PXDNL: variants seen among roughly 807,000 people sequenced by gnomAD.
PXDNL encodes the protein probable oxidoreductase PXDNL.
In PXDNL, 145 loss-of-function variants were observed where a neutral mutation model predicts 150.8. The ratio of observed to expected loss-of-function variants is 0.96; its 90% CI spans 0.84 to 1.10. PXDNL has a LOEUF of 1.10. Ranked by LOEUF, PXDNL falls within the 50% of genes least tolerant of loss-of-function variation. The probability of loss-of-function intolerance (pLI) is 0.00; values close to 1 mark genes in which losing one functional copy is unlikely to be tolerated. For missense variants in PXDNL, 2,087 were observed against 1,873.9 expected (o/e 1.11, Z -2.10); for synonymous variants, 757 against 725.7 (o/e 1.04, Z -0.69).
At position 51,675,792 on chromosome 8, in the gene PXDNL, C is replaced by CAAAA. The variant is rs71550280; in HGVS notation, c.165-21036_165-21033dup. 1.4e-4 allele frequency among the ~76,000 whole-genome samples: 13 copies of CAAAA among 93,254 alleles called. 4 individuals are homozygous for CAAAA. Among genetic ancestry groups the CAAAA allele is most frequent in the South Asian group, 4.3e-4 (1 of 2,324 alleles). The allele number at this position is 93,254 out of a possible 152,430, so 61.2% of individuals were successfully genotyped here. On this transcript the variant is annotated intron_variant, in intron 1 of 22. Coordinates refer to ENST00000356297, the MANE Select transcript of PXDNL (RefSeq NM_144651.5). ...TGGGCGACACAGCAAGGCTCCGTCT[C>CAAAA]AAAAAAAAAAAAAAAAAAATTGCCC...
At chr8:51,346,338 C>A (rs773864814) in intron 19 of PXDNL, among the ~76,000 whole-genome samples, 57 of 152,280 alleles carry the variant, frequency 3.7e-4, no homozygotes, top group Admixed American at 1.3e-4. Flanking sequence ...TTTGGCAACT[C>A]CTCAAAGTGT....
chr8:51,409,576 G>C lies in PXDNL; in HGVS notation c.2063-15C>G. 6.5e-7 allele frequency: 1 copy of C among 1,542,150 alleles called. No homozygotes were observed. ...GTACCGGAATTCTGAAAGGCAAGCG[G>C]CGAAAGCCGTGAGGAGGGCGGGCCT... On this transcript the variant is annotated splice_polypyrimidine_tract_variant and intron_variant, in intron 16 of 22. Transcript: ENST00000356297.
At chr8:51,517,819 A>C (rs1811577311) in intron 4 of PXDNL, among the ~76,000 whole-genome samples, 1 of 152,228 alleles carries the variant, frequency 6.6e-6, no homozygotes, top group Non-Finnish European at 1.5e-5. Context: ...CTAATCAATA[A>C]AATATTAATG....
At chr8:51,759,750 C>T (rs905212871) in intron 1 of PXDNL, among the ~76,000 whole-genome samples, 3 of 152,244 alleles carry the variant, frequency 2.0e-5, no homozygotes, top group African/African-American at 7.2e-5. Flanking sequence ...GAGCCAAGTT[C>T]CCCACCTGCT....
intron 3 of PXDNL, among the ~76,000 whole-genome samples, chr8:51,587,509 G>C (rs1466574947): frequency 6.6e-6 from 1 of 152,152 alleles, no homozygotes; most frequent in African/African-American, 2.4e-5. Context: ...ACAAATGCTT[G>C]TGTCTTAGAG....
intron 5 of PXDNL, among the ~76,000 whole-genome samples, chr8:51,494,084 A>G (rs1468897327): frequency 6.6e-6 from 1 of 152,112 alleles, no homozygotes; most frequent in Non-Finnish European, 1.5e-5. Context: ...CGGATCTCTC[A>G]GCAGAAACTC....
chr8:51,539,410 A>T (rs1278066869), intron 4 of PXDNL, among the ~76,000 whole-genome samples: 1 of 152,066 alleles, frequency 6.6e-6, no homozygotes, highest in Non-Finnish European at 1.5e-5. Context: ...TTAATGAGAA[A>T]TATAGTTATG....
chr8:51,426,603 G>A (rs1236083640), intron 13 of PXDNL, 43 bp downstream of exon 13: 3 of 1,116,280 alleles, frequency 2.7e-6, no homozygotes, highest in Admixed American at 4.1e-5. Context: ...CGATACATCT[G>A]TCAGTGTTTT....
chr8:51,703,174 T>C (rs1451713572), intron 1 of PXDNL, among the ~76,000 whole-genome samples: 1 of 152,184 alleles, frequency 6.6e-6, no homozygotes, highest in African/African-American at 2.4e-5. Flanking sequence ...GGGAACTTCT[T>C]TTAATTTTCT....
At chr8:51,728,677 G>C (rs1295638867) in intron 1 of PXDNL, among the ~76,000 whole-genome samples, 1 of 152,100 alleles carries the variant, frequency 6.6e-6, no homozygotes. Flanking sequence ...AAATGTGTTT[G>C]TGTTTTAAGC....
At chr8:51,371,762 T>C (rs1460671041) in intron 19 of PXDNL, 111 bp downstream of exon 19, 2 of 1,003,080 alleles carry the variant, frequency 2.0e-6, no homozygotes, top group African/African-American at 3.2e-5. Flanking sequence ...TTCTGTGTTG[T>C]TGGCTTTTTG....
At chr8:51,648,440 C>G (rs1433866445) in intron 2 of PXDNL, among the ~76,000 whole-genome samples, 1 of 152,140 alleles carries the variant, frequency 6.6e-6, no homozygotes, top group Non-Finnish European at 1.5e-5. Context: ...GATGTGGACT[C>G]AAGGCAAGAA....
intron 1 of PXDNL, among the ~76,000 whole-genome samples, chr8:51,792,763 C>A (rs1017784701): frequency 1.3e-5 from 2 of 152,200 alleles, no homozygotes; most frequent in East Asian, 3.9e-4. Context: ...CAGCCCTCCT[C>A]ACTGGGCGGG....
intron 17 of PXDNL, among the ~76,000 whole-genome samples, chr8:51,398,980 A>C (rs1365407833): frequency 6.6e-6 from 1 of 152,208 alleles, no homozygotes; most frequent in Non-Finnish European, 1.5e-5. Context: ...AATAATCAAA[A>C]TGAAAATTTC....
chr8:51,491,210 G>A (rs959784899), intron 5 of PXDNL, among the ~76,000 whole-genome samples: 6 of 152,076 alleles, frequency 3.9e-5, no homozygotes, highest in African/African-American at 1.4e-4. Flanking sequence ...ATGGTCTATT[G>A]TGGGACCCTG....
intron 1 of PXDNL, among the ~76,000 whole-genome samples, chr8:51,670,492 C>T (rs1164798085): frequency 6.6e-6 from 1 of 152,026 alleles, no homozygotes; most frequent in Non-Finnish European, 1.5e-5. Context: ...TATTATTGTA[C>T]TGAATATTGT....
At chr8:51,780,311 A>C (rs2037398165) in intron 1 of PXDNL, among the ~76,000 whole-genome samples, 1 of 152,166 alleles carries the variant, frequency 6.6e-6, no homozygotes, top group South Asian at 2.1e-4. Flanking sequence ...AGTTTGAGGG[A>C]CACTAATGTA....
At chr8:51,605,959 G>A (rs566020143) in intron 2 of PXDNL, among the ~76,000 whole-genome samples, 44 of 152,254 alleles carry the variant, frequency 2.9e-4, no homozygotes, top group African/African-American at 8.9e-4. Context: ...AAGCCCTCAC[G>A]AGATGCTAGT....
At chr8:51,545,530 C>T (rs1203080481) in intron 4 of PXDNL, among the ~76,000 whole-genome samples, 2 of 152,156 alleles carry the variant, frequency 1.3e-5, no homozygotes, top group Non-Finnish European at 2.9e-5. Context: ...CATATTGGCT[C>T]ATGGCTCTGA....
Sources: allele counts gnomAD v4.1 joint callset (sites outside exome capture counted in the v4.1 genomes callset), GRCh38; gene constraint gnomAD v4.1.1; transcripts MANE v1.5; gene names NCBI Gene and HGNC (gene_info 2026-07-23, HGNC 2026-07-21).